RTL9: variants seen among roughly 807,000 people sequenced by gnomAD.
RTL9 encodes the protein retrotransposon Gag-like protein 9.
Under a neutral mutation model 44.7 loss-of-function variants are expected in RTL9, and 19 were observed. The observed-to-expected ratio is 0.42, with a 90% confidence interval of 0.30 to 0.62. The LOEUF is 0.62. Among genes scored for constraint, RTL9 ranks in the 20% least tolerant of loss-of-function variants. RTL9 has a pLI of 0.16. For synonymous variants in RTL9, 407 were observed against 398.9 expected (o/e 1.02, Z -0.24); for missense variants, 1,105 against 1,080.6 (o/e 1.02, Z -0.32).
chrX:110,359,571 T>G (rs754299439), intron 1 of RTL9, among the ~76,000 whole-genome samples: 15 of 111,852 alleles, frequency 1.3e-4, no homozygotes, highest in African/African-American at 4.5e-4. Context: ...ATTCTCTGAT[T>G]CTGAATCTAA....
chrX:110,389,619 T>C (rs962491680), intron 1 of RTL9, among the ~76,000 whole-genome samples: 1 of 111,900 alleles, frequency 8.9e-6, no homozygotes, highest in African/African-American at 3.2e-5. Context: ...TTTTTGTTTT[T>C]TTTTTCTCAT....
exon 1 of RTL9, chrX:110,453,135 C>G: frequency 8.3e-7 from 1 of 1,210,211 alleles, no homozygotes; most frequent in Non-Finnish European, 1.1e-6. Flanking sequence ...AGTGAAGGCT[C>G]CCATCTCTGG....
chrX:110,359,590 T>C (rs1256408296), intron 1 of RTL9, among the ~76,000 whole-genome samples: 1 of 111,682 alleles, frequency 9.0e-6, no homozygotes, highest in African/African-American at 3.3e-5. Flanking sequence ...AATGTTCTTG[T>C]CCATTGCACC....
At chrX:110,448,953 C>A (rs1484452661), upstream of RTL9, among the ~76,000 whole-genome samples, 2 of 111,058 alleles carry the variant, frequency 1.8e-5, no homozygotes, top group East Asian at 5.6e-4. Flanking sequence ...TCTATGGCTG[C>A]TTTTTTGACT....
chrX:110,360,818 A>G (rs186428344), intron 1 of RTL9, among the ~76,000 whole-genome samples: 7 of 111,228 alleles, frequency 6.3e-5, no homozygotes, highest in Non-Finnish European at 1.1e-4. Flanking sequence ...AGCAGTGGGA[A>G]TGGAAGGAAA....
At chrX:110,421,324 C>T (rs2068715668) in intron 1 of RTL9, among the ~76,000 whole-genome samples, 1 of 112,613 alleles carries the variant, frequency 8.9e-6, no homozygotes, top group Non-Finnish European at 1.9e-5. Context: ...ACCCTAGTGG[C>T]AGGATGCTGC....
rs777983540 is a variant in RTL9 at position 110,453,959 on chromosome X, C to T, written c.3342C>T (p.Ala1114=). 6.6e-6 allele frequency: 8 copies of T among 1,211,981 alleles called. No individual in the cohort carries two copies. The Admixed American group carries it at 1.3e-4, about 20-fold the overall frequency. ...CCACCTCTCACATTAACATCACAGCCTCTGGATCAAAGCCCACATCGCACA... is the reference window on the plus strand; with the variant it reads ...CCACCTCTCACATTAACATCACAGCTTCTGGATCAAAGCCCACATCGCACA... Residue 1114 remains alanine, a synonymous_variant, in exon 1 of 2, where the codon GCC becomes GCT. Coordinates refer to ENST00000540313, the Ensembl canonical transcript of RTL9.
intron 1 of RTL9, among the ~76,000 whole-genome samples, chrX:110,370,636 G>A (rs1359435004): frequency 1.8e-5 from 2 of 112,033 alleles, no homozygotes; most frequent in African/African-American, 6.5e-5. Flanking sequence ...TTCCAAACCT[G>A]TAGGCTTTCC....
chrX:110,373,726 A>G (rs781251080), intron 1 of RTL9, among the ~76,000 whole-genome samples: 4 of 112,170 alleles, frequency 3.6e-5, no homozygotes, highest in Admixed American at 9.5e-5. Flanking sequence ...GTATGTTTGA[A>G]GGTTTCAAGA....
rs781781984 is a variant in RTL9 at position 110,440,416 on chromosome X, T to C, written c.-167-4737T>C. ...TGCTGAATTTAAAGATCTGGGTCGC[T>C]GTGGGTGTGTGATCAAAGTGCAGAT... On this transcript the variant is annotated intron_variant, in intron 1 of 3. Transcript: ENST00000465301. Among the ~76,000 whole-genome samples the C allele has an allele frequency of 1.1e-4, 12 of 112,000 alleles. No individual in the cohort carries two copies. In the South Asian group the frequency reaches 4.5e-3, roughly 42 times the overall value.
chrX:110,453,187 G>A (rs867836656), exon 1 of RTL9: 1 of 1,211,506 alleles, frequency 8.3e-7, no homozygotes, highest in Non-Finnish European at 1.1e-6. Flanking sequence ...GCCTCTGGAG[G>A]GATGTCCATG....
chrX:110,388,224 A>G (rs2068471578), intron 1 of RTL9, among the ~76,000 whole-genome samples: 1 of 111,554 alleles, frequency 9.0e-6, no homozygotes, highest in Non-Finnish European at 1.9e-5. Flanking sequence ...GGCCCACATC[A>G]AGTTTTTCTA....
chrX:110,359,662 A>G (rs2068250185), intron 1 of RTL9, among the ~76,000 whole-genome samples: 1 of 111,932 alleles, frequency 8.9e-6, no homozygotes, highest in African/African-American at 3.2e-5. Context: ...GTAAAAATAT[A>G]CTGAGTGTCT....
At chrX:110,373,695 A>G (rs1437274206) in intron 1 of RTL9, among the ~76,000 whole-genome samples, 1 of 112,268 alleles carries the variant, frequency 8.9e-6, no homozygotes, top group African/African-American at 3.2e-5. Context: ...GCCCTCATGT[A>G]TGAAAGAACT....
chrX:110,422,573 A>G (rs1285257435), intron 1 of RTL9, among the ~76,000 whole-genome samples: 1 of 112,839 alleles, frequency 8.9e-6, no homozygotes, highest in Non-Finnish European at 1.9e-5. Context: ...TACAAAGAAC[A>G]CAAAGTGGTT....
At chrX:110,392,723 C>A (rs1384842931) in intron 1 of RTL9, among the ~76,000 whole-genome samples, 1 of 112,102 alleles carries the variant, frequency 8.9e-6, no homozygotes, top group Non-Finnish European at 1.9e-5. Context: ...GGGGTTACAG[C>A]AAAGTGCTGT....
At chrX:110,387,247 A>G (rs936306745) in intron 1 of RTL9, among the ~76,000 whole-genome samples, 5 of 112,446 alleles carry the variant, frequency 4.4e-5, no homozygotes, top group Non-Finnish European at 7.5e-5. Flanking sequence ...TCCAATGAAG[A>G]CTTACGTGGC....
intron 1 of RTL9, among the ~76,000 whole-genome samples, chrX:110,373,482 A>G (rs1485290476): frequency 1.8e-5 from 2 of 111,878 alleles, no homozygotes; most frequent in Non-Finnish European, 3.8e-5. Context: ...TCAGAGTCCA[A>G]TTCTTACGGA....
At chrX:110,440,543 T>C (rs1184979367) in intron 1 of RTL9, among the ~76,000 whole-genome samples, 1 of 111,686 alleles carries the variant, frequency 9.0e-6, no homozygotes, top group Non-Finnish European at 1.9e-5. Flanking sequence ...TTGGTGGCAG[T>C]GTCAGAGAGC....
Sources: gnomAD v4.1 joint callset for allele counts (sites outside exome capture counted in the v4.1 genomes callset) on GRCh38, gnomAD v4.1.1 for gene constraint, MANE v1.5 for transcripts, NCBI Gene and HGNC (gene_info 2026-07-23, HGNC 2026-07-21) for gene names.